Variants in MGAM observed in about 807,000 individuals in gnomAD.
MGAM encodes the protein alpha-1,4-glucosidase.
MGAM carries 253 observed loss-of-function variants against 358.8 expected under a neutral mutation model. The ratio of observed to expected loss-of-function variants is 0.71; its 90% CI spans 0.64 to 0.78. The LOEUF (loss-of-function observed/expected upper bound fraction) is 0.78, where lower values mean the gene tolerates loss of function less well. Among genes scored for constraint, MGAM ranks in the 30% least tolerant of loss-of-function variants. The pLI, the probability that MGAM is intolerant of heterozygous loss-of-function variation, is 0.00. For synonymous variants in MGAM, 1,105 were observed against 1,227.1 expected (o/e 0.90, Z 2.08); for missense variants, 3,080 against 3,432.6 (o/e 0.90, Z 2.57).
chr7:142,062,990 G>A (rs1443113992), intron 35 of MGAM, among the ~76,000 whole-genome samples: 7 of 152,152 alleles, frequency 4.6e-5, no homozygotes, highest in Non-Finnish European at 8.8e-5. Flanking sequence ...CCTGAGGTTG[G>A]GAGTTTGAGA....
chr7:142,092,824 A>G (rs1815525572), intron 59 of MGAM, among the ~76,000 whole-genome samples: 1 of 146,606 alleles, frequency 6.8e-6, no homozygotes, highest in Non-Finnish European at 1.5e-5. Context: ...GAATTTGTCT[A>G]GAAAACACTT....
intron 43 of MGAM, among the ~76,000 whole-genome samples, chr7:142,070,285 C>T (rs531762886): frequency 6.9e-6 from 1 of 145,580 alleles, no homozygotes; most frequent in Admixed American, 6.9e-5. Flanking sequence ...GAAGTGTCAC[C>T]TTAATTAATC....
In MGAM at chr7:142,084,730, T is replaced by G. The variant is rs1033806239; in HGVS notation, c.6507+86T>G. 77 of 1,460,524 alleles carry G rather than the reference T, an allele frequency of 5.3e-5. 8 individuals are homozygous for G. The highest frequency in any genetic ancestry group is 6.8e-5 in the Non-Finnish European group (73 of 1,065,904). 90.5% of individuals were successfully genotyped at this position (1,460,524 alleles called of 1,614,324 possible). ...TTCATTTGTCTAATGTTTGTGAGAT[T>G]CTATAAAGACATAATGTTCTTTTTC... On this transcript the variant is annotated intron_variant, in intron 54 of 70. Coordinates refer to ENST00000475668, the MANE Select transcript of MGAM (RefSeq NM_001365693.1).
intron 21 of MGAM, among the ~76,000 whole-genome samples, chr7:142,041,618 T>C (rs1042387556): frequency 6.6e-6 from 1 of 151,614 alleles, no homozygotes; most frequent in African/African-American, 2.4e-5. Flanking sequence ...TTCACGTTAC[T>C]TTAACAACTC....
At chr7:142,051,872 G>C (rs1585014326) in intron 24 of MGAM, among the ~76,000 whole-genome samples, 1 of 152,036 alleles carries the variant, frequency 6.6e-6, no homozygotes, top group Non-Finnish European at 1.5e-5. Flanking sequence ...TGATAACCAG[G>C]TCATATGATT....
At chr7:142,021,454 C>A in intron 5 of MGAM, 132 bp from the exon 6 acceptor site, 1 of 893,712 alleles carries the variant, frequency 1.1e-6, no homozygotes, top group Non-Finnish European at 1.7e-6. Flanking sequence ...AGTTTGGTAA[C>A]ATAATGAGTA....
intron 52 of MGAM, among the ~76,000 whole-genome samples, chr7:142,082,808 A>G (rs1317001079): frequency 2.7e-5 from 4 of 146,350 alleles, no homozygotes; most frequent in African/African-American, 9.7e-5. Context: ...TAGTAAAACC[A>G]CATGGGTCCC....
rs181391904 is a variant in MGAM at position 142,032,784 on chromosome 7, A to G, written c.1585-41A>G. 22 of 1,233,388 alleles carry G rather than the reference A, an allele frequency of 1.8e-5. No homozygotes were observed. The African/African-American group carries it at 3.0e-4, about 17-fold the overall frequency. The allele number at this position is 1,233,388 out of a possible 1,614,324, so 76.4% of individuals were successfully genotyped here. ...CACCATCACGACATCATAAGATAAC[A>G]TGTTACTTTTTCTTAATAGTTTTTG... is the stretch of plus-strand genomic sequence containing the variant. On this transcript the variant is annotated intron_variant, in intron 13 of 70. Transcript: ENST00000475668.
intron 65 of MGAM, among the ~76,000 whole-genome samples, chr7:142,097,011 C>T (rs1453558175): frequency 6.6e-6 from 1 of 151,528 alleles, no homozygotes; most frequent in African/African-American, 2.4e-5. Flanking sequence ...TCAGTGCAAC[C>T]TCTGCCTCCC....
chr7:142,078,326 T>C lies in MGAM; in HGVS notation c.5502T>C (p.Ile1834=). 1 of 1,478,790 alleles carries C rather than the reference T, an allele frequency of 6.8e-7. No individual in the cohort carries two copies. The highest frequency in any genetic ancestry group is 1.3e-5 in the South Asian group (1 of 79,350). 91.6% of individuals were successfully genotyped at this position (1,478,790 alleles called of 1,614,324 possible). A position where few individuals can be genotyped will look rare whatever the true frequency, so the allele number is the denominator to read the frequency against. The change falls in exon 48 of 71, where the codon ATT becomes ATC. Residue 1834 remains isoleucine, a synonymous_variant. Coordinates refer to ENST00000475668, the MANE Select transcript of MGAM (RefSeq NM_001365693.1). The part of the protein sequence containing the change: ...VTYDSNLKVA[I]ITDINLFLGE... ...TTTCTGCATTCCTACAGGTCGCCAT[T>C]ATCACAGACATCAATCTTTTCCTGG...
At chr7:142,070,140 C>T (rs1563193797) in intron 43 of MGAM, among the ~76,000 whole-genome samples, 1 of 142,962 alleles carries the variant, frequency 7.0e-6, no homozygotes, top group African/African-American at 2.5e-5. Context: ...TTGCAGTGAG[C>T]TGAGATTGTG....
At position 142,040,742 on chromosome 7, in the gene MGAM, G is replaced by A; in HGVS notation, c.2394G>A (p.Arg798=). 2 of 1,613,132 alleles carry A rather than the reference G, an allele frequency of 1.2e-6. No individual in the cohort carries two copies. The highest frequency in any genetic ancestry group is 1.7e-6 in the Non-Finnish European group (2 of 1,179,512). Residue 798 remains arginine, a synonymous_variant, in exon 21 of 71, where the codon AGG becomes AGA. Coordinates refer to ENST00000475668, the MANE Select transcript of MGAM (RefSeq NM_001365693.1). ...DYETGSQVRW[R]KQKVEMELPG... is the part of the protein sequence containing the mutation. Reference sequence around the variant, plus strand: ...ATCAGGGGAGCCAAGTGAGATGGAGGAAGCAAAAAGTCGAGATGGAACTTC... The same window carrying A: ...ATCAGGGGAGCCAAGTGAGATGGAGAAAGCAAAAAGTCGAGATGGAACTTC...
chr7:142,093,277 T>A lies in MGAM; in HGVS notation c.7034-135T>A. ...CTCAGAGCTGGGGGCGCTGTGCTCA[T>A]GTCTCTGGGAAGACGGAGAGTGACA... On this transcript the variant is annotated intron_variant, in intron 59 of 70. Coordinates refer to ENST00000475668, the MANE Select transcript of MGAM (RefSeq NM_001365693.1). 1.7e-6 allele frequency: 2 copies of A among 1,198,702 alleles called. 1 individual carries two copies. Among genetic ancestry groups the A allele is most frequent in the South Asian group, 2.7e-5 (2 of 73,560 alleles). The allele number at this position is 1,198,702 out of a possible 1,614,324, so 74.3% of individuals were successfully genotyped here. A position where few individuals can be genotyped will look rare whatever the true frequency, so the allele number is the denominator to read the frequency against.
intron 67 of MGAM, 101 bp from the exon 68 acceptor site, chr7:142,100,701 C>T (rs182658157): frequency 9.2e-5 from 92 of 998,092 alleles, no homozygotes; most frequent in Non-Finnish European, 1.3e-4. Context: ...GTCTTTATCC[C>T]CCAAAGCACT....
chr7:142,041,953 TATATA>T (rs1563144915), intron 21 of MGAM, among the ~76,000 whole-genome samples: 1,883 of 22,438 alleles, frequency 0.084, 102 homozygotes, highest in Non-Finnish European at 0.11. Context: ...TATATACATA[TATATA>T]ATATATATAT....
chr7:142,025,071 G>A lies in MGAM; in HGVS notation c.904G>A (p.Ala302Thr). ...GCAGAACGGAACTAATTTGTATGGTGCGCAGACATTCTTCTTGTGCCTTGA... is the reference window on the plus strand; with the variant it reads ...GCAGAACGGAACTAATTTGTATGGTACGCAGACATTCTTCTTGTGCCTTGA... ...PNGNGTNLYG[A>T]QTFFLCLEDA... Residue 302 changes from alanine to threonine, a missense_variant, in exon 8 of 71, where the codon GCG becomes ACG. By Grantham distance (58) the Ala-to-Thr change is moderately conservative. Coordinates refer to ENST00000475668, the MANE Select transcript of MGAM (RefSeq NM_001365693.1). 1.2e-6 allele frequency: 2 copies of A among 1,613,656 alleles called. No homozygotes were observed. The highest frequency in any genetic ancestry group is 1.7e-6 in the Non-Finnish European group (2 of 1,179,656).
Position 142,059,853 on chromosome 7 carries a change from C to T in MGAM, c.3949-3C>T. On this transcript the variant is annotated splice_polypyrimidine_tract_variant and splice_region_variant and intron_variant, in intron 32 of 70. Transcript: ENST00000475668. ...TCCCAACTGACTTATGCTTTGATTTCAGGATCCAGCCATTTCTGGCAATGA... is the reference window on the plus strand; with the variant it reads ...TCCCAACTGACTTATGCTTTGATTTTAGGATCCAGCCATTTCTGGCAATGA... 1 of 1,606,284 alleles carries T rather than the reference C, an allele frequency of 6.2e-7. No individual in the cohort carries two copies. The highest frequency in any genetic ancestry group is 1.3e-5 in the African/African-American group (1 of 74,936).
intron 45 of MGAM, among the ~76,000 whole-genome samples, chr7:142,075,557 C>T (rs1476635486): frequency 6.8e-6 from 1 of 146,170 alleles, no homozygotes; most frequent in African/African-American, 2.4e-5. Context: ...AGATTAATAT[C>T]AAAAAATAAG....
At chr7:142,044,002 C>T (rs1477652166) in intron 21 of MGAM, among the ~76,000 whole-genome samples, 43 of 125,500 alleles carry the variant, frequency 3.4e-4, no homozygotes, top group African/African-American at 1.1e-3. Flanking sequence ...TATACACATA[C>T]GACGTATAAT....
Sources: allele counts gnomAD v4.1 joint callset (sites outside exome capture counted in the v4.1 genomes callset), GRCh38; gene constraint gnomAD v4.1.1; transcripts MANE v1.5; gene names NCBI Gene and HGNC (gene_info 2026-07-23, HGNC 2026-07-21).